MPPED1: variants seen among roughly 807,000 people sequenced by gnomAD.
MPPED1 encodes the protein metallophosphoesterase domain containing 1.
MPPED1 carries 16 observed loss-of-function variants against 36.2 expected under a neutral mutation model. The observed-to-expected ratio is 0.44, with a 90% CI of 0.30 to 0.67. MPPED1 has a LOEUF of 0.67. Ranked by LOEUF, MPPED1 falls within the 30% of genes least tolerant of loss-of-function variation. MPPED1 has a pLI of 0.10. For synonymous variants in MPPED1, 199 were observed against 191.3 expected, an observed-to-expected ratio of 1.04 and a Z score of -0.33; for missense variants, 307 against 453.4, an observed-to-expected ratio of 0.68 and a Z score of 2.93.
chr22:43,465,446 C>T (rs1408209949), intron 3 of MPPED1, among the ~76,000 whole-genome samples: 1 of 152,228 alleles, frequency 6.6e-6, no homozygotes, highest in Non-Finnish European at 1.5e-5. Context: ...TAAGGGACGA[C>T]GGAACCTCAT....
intron 4 of MPPED1, among the ~76,000 whole-genome samples, chr22:43,497,776 G>A (rs1339668242): frequency 2.7e-5 from 4 of 145,718 alleles, no homozygotes; most frequent in African/African-American, 1.1e-4. Context: ...CTTTTGACTG[G>A]GGGTCCACAC....
intron 4 of MPPED1, among the ~76,000 whole-genome samples, chr22:43,496,051 G>GATGGTGGAGGTA (rs1932327773): frequency 1.1e-5 from 1 of 87,796 alleles, no homozygotes; most frequent in Non-Finnish European, 2.4e-5. Flanking sequence ...TGGTGGAGGT[G>GATGGTGGAGGTA]GTGATGGTGG....
intron 4 of MPPED1, among the ~76,000 whole-genome samples, chr22:43,479,273 G>A (rs1032562242): frequency 6.6e-6 from 1 of 152,252 alleles, no homozygotes; most frequent in Admixed American, 6.5e-5. Context: ...CACGTGGACT[G>A]CAGGAGGCAT....
chr22:43,416,266 G>A (rs1929073590), intron 1 of MPPED1, among the ~76,000 whole-genome samples: 1 of 152,192 alleles, frequency 6.6e-6, no homozygotes, highest in Admixed American at 6.5e-5. Context: ...TCATACTTGG[G>A]AGGTTTCATC....
At chr22:43,443,179 C>T (rs1930212750) in intron 3 of MPPED1, among the ~76,000 whole-genome samples, 1 of 152,176 alleles carries the variant, frequency 6.6e-6, no homozygotes, top group African/African-American at 2.4e-5. Context: ...GAGGGTCATG[C>T]ACGGAGAAGG....
intron 1 of MPPED1, among the ~76,000 whole-genome samples, chr22:43,422,987 C>A (rs11913466): frequency 0.018 from 2,765 of 152,260 alleles, 75 homozygotes; most frequent in African/African-American, 0.063. Context: ...CAGGTGTGCA[C>A]CACAGTGCCC....
chr22:43,502,483 G>A lies in MPPED1; in HGVS notation c.749-161G>A, dbSNP rs1276487117. Among the ~76,000 whole-genome samples the A allele has an allele frequency of 6.6e-6, 1 of 152,210 alleles. No individual in the cohort carries two copies. Among genetic ancestry groups the A allele is most frequent in the Non-Finnish European group, 1.5e-5 (1 of 68,010 alleles). On this transcript the variant is annotated intron_variant, in intron 5 of 6. Coordinates refer to ENST00000443721, the MANE Select transcript of MPPED1 (RefSeq NM_001044370.2). This position sits in a 1 kb window ranked among gnomAD's most constrained non-coding sequence, Gnocchi z 5.5. ...ATGGTTTCAGTCCCTGAAGCCTGAGGCAGGGCAGGGTTCCGGAGAGCTTGC... is the reference window on the plus strand; with the variant it reads ...ATGGTTTCAGTCCCTGAAGCCTGAGACAGGGCAGGGTTCCGGAGAGCTTGC...
intron 4 of MPPED1, among the ~76,000 whole-genome samples, chr22:43,479,233 C>G (rs1347987278): frequency 6.6e-6 from 1 of 152,204 alleles, no homozygotes; most frequent in Non-Finnish European, 1.5e-5. Context: ...TTTTCCTTTT[C>G]TTCCCCTCTG....
At chr22:43,463,867 CTTTCTT>C (rs1931063542) in intron 3 of MPPED1, among the ~76,000 whole-genome samples, 1 of 98,368 alleles carries the variant, frequency 1.0e-5, no homozygotes, top group Non-Finnish European at 2.2e-5. Flanking sequence ...TTCTTTCTTT[CTTTCTT>C]TCTCTTTCTG....
At chr22:43,496,017 AGGT>A (rs1374591048) in intron 4 of MPPED1, among the ~76,000 whole-genome samples, 3 of 42,642 alleles carry the variant, frequency 7.0e-5, no homozygotes, top group African/African-American at 8.6e-5. Context: ...GTGGTGGTGG[AGGT>A]GGTGATGGTG....
chr22:43,500,903 G>A (rs1862334774), intron 5 of MPPED1, among the ~76,000 whole-genome samples: 1 of 152,082 alleles, frequency 6.6e-6, no homozygotes, highest in South Asian at 2.1e-4. Context: ...GGAGGAGGGT[G>A]AGGTAGACAA....
chr22:43,490,329 A>G (rs1932043864), intron 4 of MPPED1, among the ~76,000 whole-genome samples: 1 of 152,222 alleles, frequency 6.6e-6, no homozygotes, highest in Non-Finnish European at 1.5e-5. Flanking sequence ...TTCTTCACCC[A>G]GCTCTGCCTG....
chr22:43,428,842 C>T (rs914775691), intron 2 of MPPED1, among the ~76,000 whole-genome samples: 1 of 151,888 alleles, frequency 6.6e-6, no homozygotes, highest in African/African-American at 2.4e-5. Flanking sequence ...TCTCAGGAGG[C>T]TCTTCCAGGC....
chr22:43,429,455 C>T (rs1929597892), intron 2 of MPPED1, among the ~76,000 whole-genome samples: 1 of 152,262 alleles, frequency 6.6e-6, no homozygotes, highest in Non-Finnish European at 1.5e-5. Flanking sequence ...CTTCCTCCTG[C>T]CTCAGGTCTT....
intron 3 of MPPED1, among the ~76,000 whole-genome samples, chr22:43,457,352 G>T (rs758205266): frequency 1.6e-4 from 24 of 152,010 alleles, no homozygotes; most frequent in Non-Finnish European, 2.6e-4. Context: ...TCTGGATACT[G>T]TTTGTATATC....
At chr22:43,449,192 C>T (rs1930469653) in intron 3 of MPPED1, among the ~76,000 whole-genome samples, 1 of 152,140 alleles carries the variant, frequency 6.6e-6, no homozygotes, top group Admixed American at 6.5e-5. Context: ...GGCTTAACAG[C>T]AATAATGACT....
intron 1 of MPPED1, 125 bp from the exon 2 acceptor site, chr22:43,424,782 GC>G: frequency 7.9e-7 from 1 of 1,268,098 alleles, no homozygotes; most frequent in Non-Finnish European, 1.0e-6. Flanking sequence ...GAGTTTTTGA[GC>G]TGTACGACTG....
intron 3 of MPPED1, among the ~76,000 whole-genome samples, chr22:43,447,883 A>ATATATATATATATATATATTTTT (rs1321289636): frequency 8.9e-5 from 6 of 67,736 alleles, no homozygotes; most frequent in Non-Finnish European, 1.3e-4. Context: ...ATATATATAT[A>ATATATATATATATATATATTTTT]TTTTTTTTTT....
At chr22:43,449,278 C>T (rs964770320) in intron 3 of MPPED1, among the ~76,000 whole-genome samples, 2 of 152,026 alleles carry the variant, frequency 1.3e-5, no homozygotes, top group Admixed American at 6.6e-5. Flanking sequence ...TATCCTGGGC[C>T]CTGAGTATAT....
Sources: gnomAD v4.1 joint callset for allele counts (sites outside exome capture counted in the v4.1 genomes callset) on GRCh38, gnomAD v4.1.1 for gene constraint, Gnocchi (gnomAD v3.1) non-coding constraint, MANE v1.5 for transcripts, NCBI Gene and HGNC (gene_info 2026-07-23, HGNC 2026-07-21) for gene names.